The following LSAMP variants were observed in gnomAD, a reference collection of about 807,000 sequenced individuals.
LSAMP encodes the protein limbic system-associated membrane protein.
In LSAMP, 7 loss-of-function variants were observed where a neutral mutation model predicts 38.6. The observed-to-expected ratio is 0.18, with a 90% CI of 0.10 to 0.34. The LOEUF is 0.34. LSAMP is among the 10% of genes least tolerant of loss of function. The probability of loss-of-function intolerance (pLI) is 1.00; values close to 1 mark genes in which losing one functional copy is unlikely to be tolerated. For missense variants in LSAMP, 313 were observed against 420.0 expected, an observed-to-expected ratio of 0.75 and a Z score of 2.23; for synonymous variants, 154 against 166.8, an observed-to-expected ratio of 0.92 and a Z score of 0.59.
At chr3:116,092,843 T>C (rs1344331817) in intron 1 of LSAMP, among the ~76,000 whole-genome samples, 1 of 152,222 alleles carries the variant, frequency 6.6e-6, no homozygotes, top group East Asian at 1.9e-4. Flanking sequence ...TATGATGTAA[T>C]TGATACATAT....
intron 1 of LSAMP, among the ~76,000 whole-genome samples, chr3:116,421,141 A>T (rs1457364353): frequency 6.6e-6 from 1 of 152,226 alleles, no homozygotes; most frequent in Non-Finnish European, 1.5e-5. Context: ...TCTTAGCTAC[A>T]ATGCCAAAAG....
chr3:115,937,712 T>C (rs959187416), intron 3 of LSAMP, among the ~76,000 whole-genome samples: 7 of 152,164 alleles, frequency 4.6e-5, no homozygotes, highest in Non-Finnish European at 1.0e-4. Context: ...TTCATCTCTT[T>C]ACACATGCTA....
intron 1 of LSAMP, among the ~76,000 whole-genome samples, chr3:116,408,825 C>T (rs2048933268): frequency 6.6e-6 from 1 of 152,062 alleles, no homozygotes; most frequent in African/African-American, 2.4e-5. Context: ...GTCAGATACA[C>T]AATGACTATA....
At chr3:115,888,997 A>G (rs1936526694) in intron 3 of LSAMP, among the ~76,000 whole-genome samples, 1 of 151,924 alleles carries the variant, frequency 6.6e-6, no homozygotes, top group South Asian at 2.1e-4. Context: ...GAGAATGGAC[A>G]GGAAGGGAAA....
chr3:116,169,046 T>TG (rs1710130800), intron 1 of LSAMP, among the ~76,000 whole-genome samples: 1 of 151,976 alleles, frequency 6.6e-6, no homozygotes, highest in South Asian at 2.1e-4. Flanking sequence ...ACAAAAAATT[T>TG]AAAAAACAAT....
chr3:116,196,555 A>C (rs894462421), intron 1 of LSAMP, among the ~76,000 whole-genome samples: 4 of 152,176 alleles, frequency 2.6e-5, no homozygotes, highest in Non-Finnish European at 4.4e-5. Flanking sequence ...TTCATTATTC[A>C]GGGATTTTTA....
Position 115,873,455 on chromosome 3 carries a change from G to A in LSAMP, c.515-20838C>T, listed in dbSNP as rs548190032. 4.0e-5 allele frequency among the ~76,000 whole-genome samples: 6 copies of A among 151,772 alleles called. No individual in the cohort carries two copies. In the South Asian group the frequency reaches 8.3e-4, roughly 21 times the overall value. Reference sequence around the variant, plus strand: ...TTCAGAGAAAGGACTAGGCTAAAAGGAGATCTATGGCATAAGACAGAGCAA... The same window carrying A: ...TTCAGAGAAAGGACTAGGCTAAAAGAAGATCTATGGCATAAGACAGAGCAA... On this transcript the variant is annotated intron_variant, in intron 3 of 6. Coordinates refer to ENST00000490035, the MANE Select transcript of LSAMP (RefSeq NM_002338.5).
chr3:116,132,549 T>A (rs1709158178), intron 1 of LSAMP, among the ~76,000 whole-genome samples: 3 of 152,180 alleles, frequency 2.0e-5, no homozygotes, highest in Non-Finnish European at 4.4e-5. Flanking sequence ...CCACATAACA[T>A]GTTTCTCGTG....
At chr3:116,289,012 A>T (rs2047227583) in intron 1 of LSAMP, among the ~76,000 whole-genome samples, 1 of 152,180 alleles carries the variant, frequency 6.6e-6, no homozygotes. Context: ...GTAAGGATTT[A>T]TGTTACAATA....
intron 1 of LSAMP, among the ~76,000 whole-genome samples, chr3:116,155,637 A>G (rs199634458): frequency 2.0e-3 from 215 of 104,888 alleles, no homozygotes; most frequent in African/African-American, 5.8e-3. Context: ...GTGTGTGTGT[A>G]TATGTGTGTG....
chr3:115,936,076 GA>G (rs1937689164), intron 3 of LSAMP, among the ~76,000 whole-genome samples: 1 of 152,156 alleles, frequency 6.6e-6, no homozygotes, highest in African/African-American at 2.4e-5. Flanking sequence ...CTCTATAAGT[GA>G]CATCCAAACC....
At chr3:116,268,568 G>GAGAA (rs1487132709) in intron 1 of LSAMP, among the ~76,000 whole-genome samples, 1 of 152,082 alleles carries the variant, frequency 6.6e-6, no homozygotes, top group African/African-American at 2.4e-5. Flanking sequence ...GTGGGGATAT[G>GAGAA]AGAAAGAACT....
intron 1 of LSAMP, among the ~76,000 whole-genome samples, chr3:116,123,472 A>C (rs893792600): frequency 6.6e-6 from 1 of 152,266 alleles, no homozygotes; most frequent in Admixed American, 6.5e-5. Context: ...ACATTATGCC[A>C]TATGGAAAAC....
chr3:115,822,143 T>G (rs1934260424), intron 6 of LSAMP, among the ~76,000 whole-genome samples: 1 of 152,152 alleles, frequency 6.6e-6, no homozygotes, highest in Non-Finnish European at 1.5e-5. Flanking sequence ...ATTTGAATTA[T>G]TAGAGCTTTT....
chr3:115,834,615 GT>G (rs1934725744), intron 6 of LSAMP: 5 of 1,215,044 alleles, frequency 4.1e-6, no homozygotes, highest in Non-Finnish European at 5.2e-6. Flanking sequence ...GGAAAAAATA[GT>G]AATCATCATG....
At chr3:116,214,287 G>T (rs2107609665) in intron 1 of LSAMP, among the ~76,000 whole-genome samples, 1 of 152,142 alleles carries the variant, frequency 6.6e-6, no homozygotes, top group South Asian at 2.1e-4. Context: ...TGTATATTAA[G>T]CTCAGCGCTG....
intron 3 of LSAMP, among the ~76,000 whole-genome samples, chr3:115,981,904 A>T (rs1422069441): frequency 6.6e-6 from 1 of 152,218 alleles, no homozygotes; most frequent in East Asian, 1.9e-4. Context: ...TTATCTAAAG[A>T]AGCCCAATCC....
chr3:115,991,942 CT>C (rs926827636), intron 3 of LSAMP, among the ~76,000 whole-genome samples: 3 of 152,076 alleles, frequency 2.0e-5, no homozygotes, highest in African/African-American at 4.8e-5. Context: ...GAACTACCTT[CT>C]TTTCCCCACC....
chr3:116,050,367 C>T (rs1941372215), intron 2 of LSAMP, among the ~76,000 whole-genome samples: 1 of 152,080 alleles, frequency 6.6e-6, no homozygotes, highest in Non-Finnish European at 1.5e-5. Flanking sequence ...TCCTTACCCC[C>T]TGCCTCTTGT....
Sources: gnomAD v4.1 joint callset for allele counts (sites outside exome capture counted in the v4.1 genomes callset) on GRCh38, gnomAD v4.1.1 for gene constraint, MANE v1.5 for transcripts, NCBI Gene and HGNC (gene_info 2026-07-23, HGNC 2026-07-21) for gene names.